The following CDH12 variants were observed in gnomAD, a reference collection of about 807,000 sequenced individuals.
The protein encoded by CDH12 is cadherin-12.
Under a neutral mutation model 74.1 loss-of-function variants are expected in CDH12, and 41 were observed. The observed-to-expected ratio is 0.55, with a 90% CI of 0.43 to 0.72. The LOEUF (loss-of-function observed/expected upper bound fraction) is 0.72. Among genes scored for constraint, CDH12 ranks in the 30% least tolerant of loss-of-function variants. The pLI, the probability that CDH12 is intolerant of heterozygous loss-of-function variation, is 0.00. For missense variants in CDH12, 945 were observed against 977.2 expected, an observed-to-expected ratio of 0.97 and a Z score of 0.44; for synonymous variants, 399 against 355.0, an observed-to-expected ratio of 1.12 and a Z score of -1.39.
chr5:22,028,794 G>A lies in CDH12; in HGVS notation c.231+49652C>T, dbSNP rs191490194. 2.1e-3 allele frequency among the ~76,000 whole-genome samples: 327 copies of A among 152,222 alleles called. 4 individuals carry two copies. Among genetic ancestry groups the A allele is most frequent in the African/African-American group, 6.9e-3 (286 of 41,524 alleles). ...TTCATATGGAACCAAAAAAGAGCCC[G>A]CATCATCAAGACAAACCTAAGCCAA... On this transcript the variant is annotated intron_variant, in intron 5 of 14. Transcript: ENST00000382254.
chr5:21,825,897 A>C (rs1748644354), intron 8 of CDH12, among the ~76,000 whole-genome samples: 2 of 152,196 alleles, frequency 1.3e-5, no homozygotes, highest in African/African-American at 4.8e-5. Context: ...TGGATAAGTG[A>C]TTCTCAAACT....
intron 4 of CDH12, among the ~76,000 whole-genome samples, chr5:22,161,794 T>C (rs1385436667): frequency 6.6e-6 from 1 of 151,918 alleles, no homozygotes; most frequent in Admixed American, 6.6e-5. Context: ...TTAACTGCAG[T>C]TGGGAATTCA....
intron 6 of CDH12, among the ~76,000 whole-genome samples, chr5:21,913,605 TATA>T (rs1753958582): frequency 6.6e-6 from 1 of 152,128 alleles, no homozygotes; most frequent in Non-Finnish European, 1.5e-5. Context: ...TAATCACACA[TATA>T]TAAAATATTA....
chr5:22,256,207 A>G (rs1191777235), intron 3 of CDH12, among the ~76,000 whole-genome samples: 1 of 152,132 alleles, frequency 6.6e-6, no homozygotes, highest in Non-Finnish European at 1.5e-5. Context: ...CACTTTAACC[A>G]TTGCAAAGTG....
At chr5:22,446,502 T>A (rs1294533374) in intron 2 of CDH12, among the ~76,000 whole-genome samples, 1 of 152,160 alleles carries the variant, frequency 6.6e-6, no homozygotes, top group Non-Finnish European at 1.5e-5. Flanking sequence ...TATTAGGCTA[T>A]CTTCATAAAG....
chr5:22,268,212 C>T (rs974116237), intron 3 of CDH12, among the ~76,000 whole-genome samples: 8 of 151,932 alleles, frequency 5.3e-5, no homozygotes, highest in East Asian at 1.9e-4. Context: ...GTTTTCTCTC[C>T]CCTCTCATTC....
chr5:22,761,342 T>C (rs376873565), intron 1 of CDH12, among the ~76,000 whole-genome samples: 64 of 152,308 alleles, frequency 4.2e-4, no homozygotes, highest in Middle Eastern at 3.4e-3. Context: ...TATGAAAGCA[T>C]CTTGAAAGCA....
rs13436408 is a variant in CDH12 at position 22,045,641 on chromosome 5, C to T, written c.231+32805G>A. Among the ~76,000 whole-genome samples, 857 of 146,390 alleles carry T rather than the reference C, an allele frequency of 5.9e-3. 8 individuals are homozygous for T. The highest frequency in any genetic ancestry group is 0.019 in the African/African-American group (739 of 39,684). The stretch of plus-strand genomic sequence containing the variant: ...AACAATAAAATCTTGTCTTTTGGGA[C>T]AATATAGATAAAGTTGGAGGGCATT... On this transcript the variant is annotated intron_variant, in intron 5 of 14. Transcript: ENST00000382254.
chr5:22,448,328 C>CAA (rs57254902), intron 2 of CDH12, among the ~76,000 whole-genome samples: 1 of 147,030 alleles, frequency 6.8e-6, no homozygotes, highest in African/African-American at 2.5e-5. Flanking sequence ...TCACTCGATG[C>CAA]AAAAAAAAAA....
At chr5:22,785,534 A>ATTTT (rs1208677357) in intron 1 of CDH12, among the ~76,000 whole-genome samples, 12 of 152,008 alleles carry the variant, frequency 7.9e-5, no homozygotes, top group Non-Finnish European at 2.9e-5. Context: ...TTATTTATTT[A>ATTTT]TTTGAGACAA....
intron 1 of CDH12, among the ~76,000 whole-genome samples, chr5:22,673,990 T>A (rs187189757): frequency 7.1e-4 from 108 of 152,312 alleles, no homozygotes; most frequent in Non-Finnish European, 1.2e-3. Flanking sequence ...AACAGATGAC[T>A]ATTTTGAGAA....
chr5:21,934,289 G>T (rs1382326258), intron 6 of CDH12, among the ~76,000 whole-genome samples: 1 of 152,154 alleles, frequency 6.6e-6, no homozygotes, highest in Non-Finnish European at 1.5e-5. Flanking sequence ...CTTTGGTAAT[G>T]TATCCTGAGT....
At chr5:21,959,691 C>A (rs1756259516) in intron 6 of CDH12, among the ~76,000 whole-genome samples, 1 of 148,992 alleles carries the variant, frequency 6.7e-6, no homozygotes, top group Non-Finnish European at 1.5e-5. Context: ...GGGTGGATTA[C>A]CAGGTCAGGA....
chr5:22,494,378 C>T (rs575638736), intron 2 of CDH12, among the ~76,000 whole-genome samples: 1 of 152,284 alleles, frequency 6.6e-6, no homozygotes, highest in South Asian at 2.1e-4. Context: ...CTGTCTGGGG[C>T]GGGTTCCCGC....
At chr5:22,446,283 C>A (rs1213684542) in intron 2 of CDH12, among the ~76,000 whole-genome samples, 3 of 152,096 alleles carry the variant, frequency 2.0e-5, no homozygotes, top group Non-Finnish European at 4.4e-5. Context: ...TCCTCTCAAT[C>A]CCCACACCCC....
In CDH12 at chr5:21,845,623, C is replaced by A. The variant is rs557160845; in HGVS notation, c.647-3295G>T. On this transcript the variant is annotated intron_variant, in intron 7 of 14. Coordinates refer to ENST00000382254, the MANE Select transcript of CDH12 (RefSeq NM_004061.5). ...ATGGCTTCAGGAAGAAATGACTATA[C>A]CCTCCCTAGGATTCAGTCATAGCAT... 3.3e-5 allele frequency among the ~76,000 whole-genome samples: 5 copies of A among 150,432 alleles called. No individual in the cohort carries two copies. In the East Asian group the frequency reaches 9.9e-4, roughly 30 times the overall value.
chr5:22,652,329 A>G (rs1020360264), intron 1 of CDH12, among the ~76,000 whole-genome samples: 2 of 152,154 alleles, frequency 1.3e-5, no homozygotes, highest in African/African-American at 4.8e-5. Context: ...CATGTGATAT[A>G]TTTAAAAAGG....
rs1752069043 is a variant in CDH12 at position 21,878,718 on chromosome 5, C to T, written c.527-23928G>A. ...TCCTGCCACTGCACTCCATCTTCTA[C>T]AATACAGCTTGGATGACAGTAAGAG... is the stretch of plus-strand genomic sequence containing the variant. On this transcript the variant is annotated intron_variant, in intron 6 of 14. Transcript: ENST00000382254. Among the ~76,000 whole-genome samples, 4 of 146,536 alleles carry T rather than the reference C, an allele frequency of 2.7e-5. No homozygotes were observed. In the Admixed American group the frequency reaches 2.8e-4, roughly 10 times the overall value.
In CDH12 at chr5:22,714,630, T is replaced by C. The variant is rs1207196361; in HGVS notation, c.-523+138428A>G. Among the ~76,000 whole-genome samples the C allele has an allele frequency of 2.0e-5, 3 of 152,174 alleles. No individual in the cohort carries two copies. In the East Asian group the frequency reaches 5.8e-4, roughly 29 times the overall value. ...TTAAAACTGGGATAATTCATAAATA[T>C]TCATATGACCCTGCCCTAATAAAAA... On this transcript the variant is annotated intron_variant, in intron 1 of 14. Coordinates refer to ENST00000382254, the MANE Select transcript of CDH12 (RefSeq NM_004061.5).
Sources: allele counts gnomAD v4.1 joint callset (sites outside exome capture counted in the v4.1 genomes callset), GRCh38; gene constraint gnomAD v4.1.1; transcripts MANE v1.5; gene names NCBI Gene and HGNC (gene_info 2026-07-23, HGNC 2026-07-21).